The following SLC9A1 variants were observed in gnomAD, a reference collection of about 807,000 sequenced individuals.
SLC9A1 encodes solute carrier family 9 member A1.
SLC9A1 carries 22 observed loss-of-function variants against 67.9 expected under a neutral mutation model. The ratio of observed to expected loss-of-function variants is 0.32; its 90% CI spans 0.23 to 0.46. The LOEUF is 0.46. Among genes scored for constraint, SLC9A1 ranks in the 20% least tolerant of loss-of-function variants. The pLI, the probability that SLC9A1 is intolerant of heterozygous loss-of-function variation, is 1.00. For synonymous variants in SLC9A1, 421 were observed against 471.8 expected, an observed-to-expected ratio of 0.89 and a Z score of 1.40; for missense variants, 686 against 1,094.8, an observed-to-expected ratio of 0.63 and a Z score of 5.27.
intron 1 of SLC9A1, among the ~76,000 whole-genome samples, chr1:27,125,722 G>A (rs1271874389): frequency 1.3e-5 from 2 of 152,140 alleles, no homozygotes; most frequent in South Asian, 2.1e-4. Context: ...GGCCTCCTGC[G>A]TAGCTGGGAC....
chr1:27,132,520 T>C (rs964020882), intron 1 of SLC9A1, among the ~76,000 whole-genome samples: 7 of 152,156 alleles, frequency 4.6e-5, no homozygotes, highest in African/African-American at 1.7e-4. Context: ...TCTCTGGACA[T>C]CAGGGTCTTT....
At chr1:27,125,380 G>C (rs1394150325) in intron 1 of SLC9A1, among the ~76,000 whole-genome samples, 1 of 149,362 alleles carries the variant, frequency 6.7e-6, no homozygotes, top group Non-Finnish European at 1.5e-5. Context: ...TGAGTAGCTG[G>C]CATTACAGGC....
intron 1 of SLC9A1, among the ~76,000 whole-genome samples, chr1:27,117,339 T>C (rs1182587066): frequency 6.6e-6 from 1 of 152,158 alleles, no homozygotes; most frequent in Non-Finnish European, 1.5e-5. Context: ...TCCCTGCCCC[T>C]GTCCTGGCGT....
At chr1:27,104,066 G>GCCT (rs1326258274) in intron 5 of SLC9A1, 1 of 150,180 alleles carries the variant, frequency 6.7e-6, no homozygotes, top group South Asian at 2.1e-4. Context: ...AAAAGTGGCA[G>GCCT]CCTCCTCCTC....
intron 1 of SLC9A1, among the ~76,000 whole-genome samples, chr1:27,131,947 A>AAAAAAAAAAAAAAT: frequency 1.9e-5 from 1 of 52,124 alleles, no homozygotes; most frequent in East Asian, 1.1e-3. Flanking sequence ...AGAAAAAAAA[A>AAAAAAAAAAAAAAT]ATATATATAT....
chr1:27,103,577 C>A (rs754807521), intron 5 of SLC9A1: 1 of 511,730 alleles, frequency 2.0e-6, no homozygotes. Flanking sequence ...GGCCAGGCAG[C>A]AGACAGCCTG....
chr1:27,150,472 C>G (rs1213277986), intron 1 of SLC9A1, among the ~76,000 whole-genome samples: 3 of 152,178 alleles, frequency 2.0e-5, no homozygotes, highest in African/African-American at 7.2e-5. Flanking sequence ...GGAATAAGTA[C>G]TAGCCTGGGA....
intron 1 of SLC9A1, among the ~76,000 whole-genome samples, chr1:27,132,305 G>A (rs529497459): frequency 1.3e-5 from 2 of 152,216 alleles, no homozygotes; most frequent in Non-Finnish European, 2.9e-5. Context: ...TCAATGGAGA[G>A]GAAAGAACAC....
intron 1 of SLC9A1, among the ~76,000 whole-genome samples, chr1:27,146,503 A>G (rs2083486199): frequency 6.6e-6 from 1 of 152,228 alleles, no homozygotes; most frequent in African/African-American, 2.4e-5. Context: ...AGGCCCTTGG[A>G]ATCAGGGCAT....
At chr1:27,131,948 A>AAAAAAAAAAT (rs751655370) in intron 1 of SLC9A1, among the ~76,000 whole-genome samples, 1 of 91,450 alleles carries the variant, frequency 1.1e-5, no homozygotes, top group Non-Finnish European at 2.1e-5. Flanking sequence ...GAAAAAAAAA[A>AAAAAAAAAAT]TATATATATA....
chr1:27,128,123 A>T (rs1296789708), intron 1 of SLC9A1, among the ~76,000 whole-genome samples: 1 of 152,204 alleles, frequency 6.6e-6, no homozygotes, highest in Non-Finnish European at 1.5e-5. Flanking sequence ...TTCGTGCCAT[A>T]GCAAGCTTGC....
In SLC9A1 at chr1:27,103,843, T is replaced by C. The variant is rs369723296; in HGVS notation, c.1486-531A>G. ...CCTTCCATTGTCTCTATTTAACAGA[T>C]GCAGAAACTGAGGCTCAGAGAGGAT... On this transcript the variant is annotated intron_variant, in intron 5 of 11. Coordinates refer to ENST00000263980, the MANE Select transcript of SLC9A1 (RefSeq NM_003047.5). The C allele has an allele frequency of 1.8e-3, 275 of 155,584 alleles. 1 individual carries two copies. The highest frequency in any genetic ancestry group is 5.9e-3 in the African/African-American group (245 of 41,626). 9.6% of individuals were successfully genotyped at this position (155,584 alleles called of 1,614,324 possible).
chr1:27,132,812 G>A (rs1420941372), intron 1 of SLC9A1, among the ~76,000 whole-genome samples: 1 of 152,204 alleles, frequency 6.6e-6, no homozygotes, highest in Non-Finnish European at 1.5e-5. Context: ...AGCCCCGCCT[G>A]GCTCCCTGAT....
In SLC9A1 at chr1:27,107,720, C is replaced by T; in HGVS notation, c.1210G>A (p.Ala404Thr). The T allele has an allele frequency of 6.3e-7, 1 of 1,580,056 alleles. No individual in the cohort carries two copies. Among genetic ancestry groups the T allele is most frequent in the Non-Finnish European group, 8.6e-7 (1 of 1,163,798 alleles). ...IFIFLGVSTV[A>T]GSHHWNWTFV... ...GTCCAGTTCCAGTGGTGGGAGCCGG[C>T]CACCGTGGAGACGCCGAGGAAGATG... Residue 404 changes from alanine (A) to threonine (T), a missense_variant, in exon 4 of 12, where the codon GCC becomes ACC. This residue lies in a region of SLC9A1 where 168 missense variants were observed against 375.4 expected (regional missense o/e 0.45). Transcript: ENST00000263980.
In SLC9A1 at chr1:27,118,527, G is replaced by A. The variant is rs35304971; in HGVS notation, c.353-4241C>T. On this transcript the variant is annotated intron_variant, in intron 1 of 11. Coordinates refer to ENST00000263980, the MANE Select transcript of SLC9A1 (RefSeq NM_003047.5). The surrounding 1 kb of genome is among the most constrained non-coding windows in gnomAD (Gnocchi z 4.3). ...AAGAGCAGGATGCTTGCTGACACCC[G>A]GTGTGGTGAAAGGGGCACAGAAGGA... 6.6e-6 allele frequency among the ~76,000 whole-genome samples: 1 copy of A among 151,942 alleles called. No individual in the cohort carries two copies. The highest frequency in any genetic ancestry group is 1.5e-5 in the Non-Finnish European group (1 of 67,962).
chr1:27,131,185 G>A (rs1005998702), intron 1 of SLC9A1, among the ~76,000 whole-genome samples: 15 of 152,312 alleles, frequency 9.8e-5, no homozygotes, highest in Non-Finnish European at 2.2e-4. Context: ...GGACAAGGAG[G>A]GTCAAGAATT....
intron 1 of SLC9A1, among the ~76,000 whole-genome samples, chr1:27,120,357 C>T (rs1266990013): frequency 6.6e-6 from 1 of 151,824 alleles, no homozygotes; most frequent in Non-Finnish European, 1.5e-5. Flanking sequence ...AACTCCTGAC[C>T]TCAGGTGATC....
Position 27,101,014 on chromosome 1 carries a change from G to A in SLC9A1, c.2110+189C>T, listed in dbSNP as rs747200882. Among the ~76,000 whole-genome samples, 3 of 152,180 alleles carry A rather than the reference G, an allele frequency of 2.0e-5. No individual in the cohort carries two copies. The highest frequency in any genetic ancestry group is 1.5e-5 in the Non-Finnish European group (1 of 68,020). On this transcript the variant is annotated intron_variant, in intron 11 of 11. Coordinates refer to ENST00000263980, the MANE Select transcript of SLC9A1 (RefSeq NM_003047.5). The surrounding 1 kb of genome is among the most constrained non-coding windows in gnomAD (Gnocchi z 4.9). ...TCTCCCAGCTCCCCACACAGTCCTC[G>A]CCCGGAACGTCTCTCTCCCTAGGGA...
intron 3 of SLC9A1, among the ~76,000 whole-genome samples, chr1:27,108,687 A>C (rs896496578): frequency 6.6e-6 from 1 of 151,866 alleles, no homozygotes; most frequent in African/African-American, 2.4e-5. Context: ...AAAATGAGAG[A>C]TCTGACTCTA....
Sources: allele counts gnomAD v4.1 joint callset (sites outside exome capture counted in the v4.1 genomes callset), GRCh38; gene constraint gnomAD v4.1.1; regional missense constraint gnomAD v4.1.1; non-coding constraint Gnocchi (gnomAD v3.1); transcripts MANE v1.5; gene names NCBI Gene and HGNC (gene_info 2026-07-23, HGNC 2026-07-21).